The following GALNTL6 variants were observed in gnomAD, a reference collection of about 807,000 sequenced individuals.
GALNTL6 encodes the protein polypeptide N-acetylgalactosaminyltransferase-like 6.
A neutral mutation model predicts 73.7 loss-of-function variants in GALNTL6; 46 were observed. The observed-to-expected ratio is 0.62, with a 90% CI of 0.49 to 0.80. The LOEUF (loss-of-function observed/expected upper bound fraction) is 0.80, where lower values mean the gene tolerates loss of function less well. Ranked by LOEUF, GALNTL6 falls within the 30% of genes least tolerant of loss-of-function variation. The pLI is 0.00. For synonymous variants in GALNTL6, 259 were observed against 263.7 expected, an observed-to-expected ratio of 0.98 and a Z score of 0.17; for missense variants, 604 against 755.0, an observed-to-expected ratio of 0.80 and a Z score of 2.34.
At chr4:172,555,266 A>C (rs931335636) in intron 5 of GALNTL6, among the ~76,000 whole-genome samples, 2 of 152,170 alleles carry the variant, frequency 1.3e-5, no homozygotes, top group Non-Finnish European at 2.9e-5. Context: ...TACCTGTAGA[A>C]GTATAAGAAA....
At chr4:172,786,546 G>T (rs1259325054) in intron 5 of GALNTL6, among the ~76,000 whole-genome samples, 1 of 152,000 alleles carries the variant, frequency 6.6e-6, no homozygotes, top group African/African-American at 2.4e-5. Context: ...TTTTGATTTG[G>T]TCTACTCAGA....
chr4:172,952,936 C>T (rs551591649), intron 10 of GALNTL6, among the ~76,000 whole-genome samples: 151 of 152,284 alleles, frequency 9.9e-4, no homozygotes, highest in Middle Eastern at 6.8e-3. Flanking sequence ...ACCTGATATA[C>T]GTGATAAAAA....
Position 172,868,086 on chromosome 4 carries a change from T to C in GALNTL6, c.924-14704T>C, listed in dbSNP as rs114064119. Among the ~76,000 whole-genome samples the C allele has an allele frequency of 8.3e-3, 1,258 of 152,308 alleles. 12 individuals are homozygous for C. The highest frequency in any genetic ancestry group is 0.029 in the African/African-American group (1,197 of 41,568). ...TGTATTATCAGAACATAGCAGTGAA[T>C]AGAATGAGCTACATGCAGTTTTCTA... On this transcript the variant is annotated intron_variant, in intron 7 of 12. Transcript: ENST00000506823.
rs1491223638 is a variant in GALNTL6, at chr4:172,069,598, A to ATGTGT, written c.139-160057_139-160056insGTGTT. Among the ~76,000 whole-genome samples, 21 of 34,076 alleles carry ATGTGT rather than the reference A, an allele frequency of 6.2e-4. 5 individuals are homozygous for ATGTGT. Among genetic ancestry groups the ATGTGT allele is most frequent in the African/African-American group, 1.1e-3 (20 of 17,834 alleles). The allele number at this position is 34,076 out of a possible 152,430, so 22.4% of individuals were successfully genotyped here. ...ATGTTATATATTATATATATAACAC[A>ATGTGT]TATATGTTATATATATATAACATAT... On this transcript the variant is annotated intron_variant, in intron 2 of 12. Coordinates refer to ENST00000506823, the MANE Select transcript of GALNTL6 (RefSeq NM_001034845.3).
intron 5 of GALNTL6, among the ~76,000 whole-genome samples, chr4:172,349,149 A>T (rs1212736047): frequency 6.6e-6 from 1 of 152,196 alleles, no homozygotes; most frequent in Admixed American, 6.5e-5. Flanking sequence ...GGACACAGGT[A>T]CATATTTTTA....
chr4:171,977,770 A>G (rs367644834), intron 2 of GALNTL6, among the ~76,000 whole-genome samples: 13 of 152,338 alleles, frequency 8.5e-5, no homozygotes, highest in African/African-American at 3.1e-4. Context: ...ATTCTCTGAT[A>G]TATCAAACTA....
intron 5 of GALNTL6, among the ~76,000 whole-genome samples, chr4:172,466,401 G>A (rs953013344): frequency 3.9e-5 from 6 of 152,050 alleles, no homozygotes; most frequent in South Asian, 2.1e-4. Flanking sequence ...AATACCTAAC[G>A]AAAAGAATAA....
intron 2 of GALNTL6, among the ~76,000 whole-genome samples, chr4:172,140,515 C>G (rs997079084): frequency 5.9e-5 from 9 of 152,158 alleles, no homozygotes; most frequent in African/African-American, 2.2e-4. Flanking sequence ...CATATACCTT[C>G]TGACATAGGT....
chr4:172,049,216 A>T (rs956784973), intron 2 of GALNTL6, among the ~76,000 whole-genome samples: 1 of 148,604 alleles, frequency 6.7e-6, no homozygotes, highest in East Asian at 2.0e-4. Flanking sequence ...AAATACTGAG[A>T]CTTCATGAAA....
chr4:171,988,165 A>C (rs1369331552), intron 2 of GALNTL6, among the ~76,000 whole-genome samples: 1 of 152,190 alleles, frequency 6.6e-6, no homozygotes, highest in African/African-American at 2.4e-5. Context: ...AGTTGTTTGG[A>C]CAGAAAGGCT....
chr4:172,049,197 T>C (rs1164701782), intron 2 of GALNTL6, among the ~76,000 whole-genome samples: 1 of 151,988 alleles, frequency 6.6e-6, no homozygotes, highest in Non-Finnish European at 1.5e-5. Context: ...GGGTCTAGTT[T>C]GATTTGTAAA....
chr4:172,130,850 G>A (rs1733469597), intron 2 of GALNTL6, among the ~76,000 whole-genome samples: 1 of 151,998 alleles, frequency 6.6e-6, no homozygotes, highest in African/African-American at 2.4e-5. Context: ...GGAGGGAATT[G>A]AACTCCATAA....
At chr4:172,326,307 T>C (rs1740939119) in intron 4 of GALNTL6, among the ~76,000 whole-genome samples, 1 of 152,140 alleles carries the variant, frequency 6.6e-6, no homozygotes, top group Non-Finnish European at 1.5e-5. Context: ...ATTCAAATAA[T>C]ATCTTACTGG....
chr4:171,905,569 C>T (rs1357391600), intron 2 of GALNTL6, among the ~76,000 whole-genome samples: 6 of 150,258 alleles, frequency 4.0e-5, no homozygotes, highest in East Asian at 1.9e-4. Context: ...CCACTGTCAA[C>T]GTTAGACAGA....
chr4:172,288,253 G>C (rs1739336047), intron 3 of GALNTL6, among the ~76,000 whole-genome samples: 1 of 151,994 alleles, frequency 6.6e-6, no homozygotes, highest in Admixed American at 6.6e-5. Flanking sequence ...ACCACGCCCA[G>C]CTAATTTTTT....
intron 2 of GALNTL6, among the ~76,000 whole-genome samples, chr4:172,163,642 A>G (rs1734536921): frequency 6.6e-6 from 1 of 152,062 alleles, no homozygotes; most frequent in Non-Finnish European, 1.5e-5. Flanking sequence ...TTTATTATGT[A>G]CAGATCATAG....
chr4:172,907,456 G>A (rs1057428046), intron 8 of GALNTL6, among the ~76,000 whole-genome samples: 1 of 152,080 alleles, frequency 6.6e-6, no homozygotes, highest in African/African-American at 2.4e-5. Flanking sequence ...ATTGGGATAC[G>A]TATTAACAAA....
chr4:172,579,547 A>T (rs1452896266), intron 5 of GALNTL6, among the ~76,000 whole-genome samples: 1 of 152,164 alleles, frequency 6.6e-6, no homozygotes, highest in Non-Finnish European at 1.5e-5. Context: ...TCCTCGAAGG[A>T]ATAACAACAC....
chr4:172,722,291 T>A (rs144590617), intron 5 of GALNTL6, among the ~76,000 whole-genome samples: 1 of 152,200 alleles, frequency 6.6e-6, no homozygotes, highest in Non-Finnish European at 1.5e-5. Context: ...GTGAAACTTG[T>A]ATGCAATCTG....
Sources: gnomAD v4.1 joint callset for allele counts (sites outside exome capture counted in the v4.1 genomes callset) on GRCh38, gnomAD v4.1.1 for gene constraint, MANE v1.5 for transcripts, NCBI Gene and HGNC (gene_info 2026-07-23, HGNC 2026-07-21) for gene names.